The following CMC1 variants were observed in gnomAD, a reference collection of about 807,000 sequenced individuals.
CMC1 encodes C-X9-C motif containing 1, also known as COX assembly mitochondrial protein homolog.
CMC1 carries 14 observed loss-of-function variants against 14.1 expected under a neutral mutation model. The observed-to-expected ratio is 0.99, with a 90% confidence interval of 0.66 to 1.55. The LOEUF is 1.55. Among genes scored for constraint, CMC1 ranks in the 40% most tolerant of loss-of-function variants. The probability of loss-of-function intolerance (pLI) is 0.00; values close to 1 mark genes in which losing one functional copy is unlikely to be tolerated. For synonymous variants in CMC1, 50 were observed against 38.4 expected (o/e 1.30, Z -1.12); for missense variants, 127 against 123.8 (o/e 1.03, Z -0.12).
intron 1 of CMC1, among the ~76,000 whole-genome samples, chr3:28,252,295 A>G (rs1376466551): frequency 1.3e-5 from 2 of 152,214 alleles, no homozygotes; most frequent in Non-Finnish European, 2.9e-5. Context: ...AGAAGCTCAG[A>G]TGAAGCATAC....
At chr3:28,247,877 A>G (rs527353573) in intron 1 of CMC1, among the ~76,000 whole-genome samples, 37 of 152,168 alleles carry the variant, frequency 2.4e-4, no homozygotes, top group African/African-American at 8.7e-4. Context: ...CTTCTAGGCC[A>G]TCGTACATGC....
chr3:28,309,598 A>T (rs1022320203), intron 2 of CMC1, among the ~76,000 whole-genome samples: 3 of 151,976 alleles, frequency 2.0e-5, no homozygotes, highest in African/African-American at 7.3e-5. Context: ...AAATGTTTTT[A>T]GCCCCTTGGA....
At chr3:28,313,141 C>A (rs970045822) in intron 2 of CMC1, among the ~76,000 whole-genome samples, 3 of 152,094 alleles carry the variant, frequency 2.0e-5, no homozygotes, top group African/African-American at 7.2e-5. Flanking sequence ...CAGGCGTGAG[C>A]CACCGTGCCT....
intron 1 of CMC1, among the ~76,000 whole-genome samples, chr3:28,249,852 G>T (rs1210932776): frequency 1.3e-5 from 2 of 152,202 alleles, no homozygotes; most frequent in Non-Finnish European, 2.9e-5. Context: ...TCAAGACCAA[G>T]ATTCAAGGAG....
In CMC1 at chr3:28,242,764, T is replaced by C. The variant is rs144674143; in HGVS notation, c.19+952T>C. On this transcript the variant is annotated intron_variant, in intron 1 of 3. Coordinates refer to ENST00000466830, the MANE Select transcript of CMC1 (RefSeq NM_182523.2). Reference sequence around the variant, plus strand: ...CAGCAGGTAGTGGTAGATCAGGGAGTACTCTAATTTGAAGCATAGAGGAGT... The same window carrying C: ...CAGCAGGTAGTGGTAGATCAGGGAGCACTCTAATTTGAAGCATAGAGGAGT... 4.0e-3 allele frequency among the ~76,000 whole-genome samples: 610 copies of C among 152,128 alleles called. 4 individuals carry two copies. Among genetic ancestry groups the C allele is most frequent in the African/African-American group, 0.014 (583 of 41,458 alleles).
At chr3:28,281,149 A>G (rs1049907978) in intron 2 of CMC1, among the ~76,000 whole-genome samples, 12 of 152,346 alleles carry the variant, frequency 7.9e-5, no homozygotes, top group Admixed American at 3.3e-4. Flanking sequence ...ATTTATGAAT[A>G]CTTACCATGT....
chr3:28,293,179 C>G lies in CMC1; in HGVS notation c.110-23154C>G, dbSNP rs1023425645. Among the ~76,000 whole-genome samples the G allele has an allele frequency of 3.3e-5, 5 of 152,126 alleles. No individual in the cohort carries two copies. In the East Asian group the frequency reaches 9.7e-4, roughly 29 times the overall value. ...TTTCATATAGTTCTGTTTTCTTCCCCGTGTCTGCCTGGGTGACATGAGAGA... is the reference window on the plus strand; with the variant it reads ...TTTCATATAGTTCTGTTTTCTTCCCGGTGTCTGCCTGGGTGACATGAGAGA... On this transcript the variant is annotated intron_variant, in intron 2 of 3. Transcript: ENST00000466830.
At chr3:28,299,616 CATA>C (rs923431570) in intron 2 of CMC1, among the ~76,000 whole-genome samples, 1 of 151,914 alleles carries the variant, frequency 6.6e-6, no homozygotes, top group African/African-American at 2.4e-5. Context: ...AAATTAAAAG[CATA>C]ATAATTTTGT....
At position 28,272,647 on chromosome 3, in the gene CMC1, T is replaced by C. The variant is rs563896594; in HGVS notation, c.109+9267T>C. On this transcript the variant is annotated intron_variant, in intron 2 of 3. Coordinates refer to ENST00000466830, the MANE Select transcript of CMC1 (RefSeq NM_182523.2). ...CAGTATTTTATTGAGGATTTTCACA[T>C]TGATCTTCATCAGGGATATTGTCTT... is the stretch of plus-strand genomic sequence containing the variant. Among the ~76,000 whole-genome samples, 33 of 152,284 alleles carry C rather than the reference T, an allele frequency of 2.2e-4. 1 individual carries two copies. Among genetic ancestry groups the C allele is most frequent in the African/African-American group, 7.5e-4 (31 of 41,568 alleles).
In CMC1 at chr3:28,322,717, C is replaced by T. The variant is rs375212007; in HGVS notation, c.*3088C>T. 6.6e-6 allele frequency: 1 copy of T among 151,370 alleles called. No homozygotes were observed. Among genetic ancestry groups the T allele is most frequent in the South Asian group, 2.1e-4 (1 of 4,818 alleles). The allele number at this position is 151,370 out of a possible 1,614,324, so 9.4% of individuals were successfully genotyped here. On this transcript the variant is annotated 3_prime_UTR_variant, in exon 4 of 4. Transcript: ENST00000466830. ...CAGAATAAATTCCAGCATCTGACAC[C>T]AATTCCATTAATCACAGACAAGCTT...
chr3:28,273,123 T>C (rs1238690254), intron 2 of CMC1, among the ~76,000 whole-genome samples: 1 of 152,220 alleles, frequency 6.6e-6, no homozygotes, highest in Non-Finnish European at 1.5e-5. Flanking sequence ...GTACCTCTGG[T>C]AGAATTCAGC....
In CMC1 at chr3:28,278,656, T is replaced by C. The variant is rs558769150; in HGVS notation, c.109+15276T>C. ...TCAACAAACTATCCTTCAGTACTAC[T>C]ATGTGCAATACATGGTGTTAGATAC... On this transcript the variant is annotated intron_variant, in intron 2 of 3. Coordinates refer to ENST00000466830, the MANE Select transcript of CMC1 (RefSeq NM_182523.2). Among the ~76,000 whole-genome samples, 10 of 152,356 alleles carry C rather than the reference T, an allele frequency of 6.6e-5. No individual in the cohort carries two copies. In the South Asian group the frequency reaches 2.1e-3, roughly 32 times the overall value.
At chr3:28,312,793 CT>C (rs986219279) in intron 2 of CMC1, among the ~76,000 whole-genome samples, 1 of 152,034 alleles carries the variant, frequency 6.6e-6, no homozygotes, top group African/African-American at 2.4e-5. Context: ...TAGGAGAAGA[CT>C]TTATCTCTTT....
chr3:28,301,925 C>T (rs1240919868), intron 2 of CMC1, among the ~76,000 whole-genome samples: 1 of 151,964 alleles, frequency 6.6e-6, no homozygotes, highest in African/African-American at 2.4e-5. Context: ...AACACACACA[C>T]ACTATGGAAC....
intron 2 of CMC1, among the ~76,000 whole-genome samples, chr3:28,264,603 T>TGCAGGTAGTGC (rs1699908417): frequency 6.6e-6 from 1 of 152,172 alleles, no homozygotes; most frequent in Admixed American, 6.6e-5. Flanking sequence ...GACGTCAACC[T>TGCAGGTAGTGC]ATTGACACCT....
At chr3:28,250,766 A>G (rs1408050901) in intron 1 of CMC1, among the ~76,000 whole-genome samples, 1 of 152,114 alleles carries the variant, frequency 6.6e-6, no homozygotes, top group Admixed American at 6.6e-5. Context: ...AGCACTGAGA[A>G]CTCAGTATCA....
intron 2 of CMC1, among the ~76,000 whole-genome samples, chr3:28,283,561 A>G (rs899802478): frequency 6.6e-6 from 1 of 151,464 alleles, no homozygotes; most frequent in Non-Finnish European, 1.5e-5. Flanking sequence ...CAAAAAAAAA[A>G]AAAAAAGAAA....
chr3:28,271,092 G>A (rs934218921), intron 2 of CMC1, among the ~76,000 whole-genome samples: 7 of 151,408 alleles, frequency 4.6e-5, no homozygotes, highest in East Asian at 1.9e-4. Context: ...CACCATACTC[G>A]GCCGAGTTAA....
At chr3:28,288,007 G>A (rs901585988) in intron 2 of CMC1, among the ~76,000 whole-genome samples, 5 of 151,834 alleles carry the variant, frequency 3.3e-5, no homozygotes, top group African/African-American at 1.2e-4. Context: ...AGTGGTACTA[G>A]CCACATTTCA....
Sources: gnomAD v4.1 joint callset for allele counts (sites outside exome capture counted in the v4.1 genomes callset) on GRCh38, gnomAD v4.1.1 for gene constraint, MANE v1.5 for transcripts, NCBI Gene and HGNC (gene_info 2026-07-23, HGNC 2026-07-21) for gene names.